The following BANP variants were observed in gnomAD, a reference collection of about 807,000 sequenced individuals.
BANP encodes BTG3 associated nuclear protein.
BANP carries 11 observed loss-of-function variants against 68.1 expected under a neutral mutation model. The observed-to-expected ratio is 0.16, with a 90% CI of 0.10 to 0.27. The LOEUF (loss-of-function observed/expected upper bound fraction) is 0.27, where lower values mean the gene tolerates loss of function less well. BANP is among the 10% of genes least tolerant of loss of function. The pLI is 1.00. For synonymous variants in BANP, 329 were observed against 303.2 expected, an observed-to-expected ratio of 1.09 and a Z score of -0.88; for missense variants, 504 against 722.7, an observed-to-expected ratio of 0.70 and a Z score of 3.47.
chr16:87,998,867 C>T (rs567361655), intron 4 of BANP, among the ~76,000 whole-genome samples: 1 of 135,440 alleles, frequency 7.4e-6, no homozygotes, highest in African/African-American at 2.8e-5. Context: ...CTTCCAGACA[C>T]GTCTCCATGC....
chr16:88,018,352 A>C lies in BANP; in HGVS notation c.656-76A>C. ...GGAGCATCTTTCCCGACTGTGCCTG[A>C]GCAGAGCGCTCTGCTGTCCTGAATG... On this transcript the variant is annotated intron_variant, in intron 6 of 13. Coordinates refer to ENST00000682872, the MANE Select transcript of BANP (RefSeq NM_001386991.1). The surrounding 1 kb of genome is among the most constrained non-coding windows in gnomAD (Gnocchi z 7.7). The C allele has an allele frequency of 6.5e-7, 1 of 1,535,970 alleles. No homozygotes were observed. Among genetic ancestry groups the C allele is most frequent in the Non-Finnish European group, 8.8e-7 (1 of 1,135,736 alleles).
Position 87,984,105 on chromosome 16 carries a change from A to G in BANP, c.208A>G (p.Ser70Gly), listed in dbSNP as rs2063818302. ...CCAGACAATCTGCTTGCGGTTGGAT[A>G]GCATTGAAGCCAAATTGCAAGCCCT... ...INQTICLRLD[S>G]IEAKLQALEA... The change falls in exon 4 of 14, where the codon AGC becomes GGC. Residue 70 changes from serine (S) to glycine (G), a missense_variant. By Grantham distance (56) the Ser-to-Gly change is moderately conservative. Coordinates refer to ENST00000682872, the MANE Select transcript of BANP (RefSeq NM_001386991.1). The G allele has an allele frequency of 6.2e-7, 1 of 1,613,978 alleles. No individual in the cohort carries two copies.
intron 1 of BANP, chr16:87,970,150 C>G (rs2060857739): frequency 6.6e-6 from 1 of 152,226 alleles, no homozygotes; most frequent in African/African-American, 2.4e-5. Flanking sequence ...CTTGGCCTTC[C>G]AAAGTGCTGG....
intron 6 of BANP, 22 bp downstream of exon 6, chr16:88,006,287 T>C (rs1320199495): frequency 5.1e-6 from 8 of 1,568,566 alleles, no homozygotes; most frequent in African/African-American, 2.7e-5. Flanking sequence ...GCGGCTTTCC[T>C]CGGCCAGAGC....
intron 1 of BANP, among the ~76,000 whole-genome samples, chr16:87,958,703 A>G (rs2058566980): frequency 6.6e-6 from 1 of 152,204 alleles, no homozygotes. Flanking sequence ...ACCCTGTCTC[A>G]AGAAAAAACA....
intron 8 of BANP, among the ~76,000 whole-genome samples, chr16:88,030,555 C>A (rs896952576): frequency 2.0e-5 from 3 of 152,214 alleles, no homozygotes; most frequent in Non-Finnish European, 4.4e-5. Context: ...GTTATATAAC[C>A]TGACGACTGC....
At position 88,018,299 on chromosome 16, in the gene BANP, G is replaced by C; in HGVS notation, c.656-129G>C. 1 of 1,216,882 alleles carries C rather than the reference G, an allele frequency of 8.2e-7. No individual in the cohort carries two copies. The highest frequency in any genetic ancestry group is 1.4e-5 in the South Asian group (1 of 69,024). The allele number at this position is 1,216,882 out of a possible 1,614,324, so 75.4% of individuals were successfully genotyped here. ...AGCGCTCTTGGTGACTGCCTCACAA[G>C]TTACGAGGGATTTGCCCAGCCCTGC... On this transcript the variant is annotated intron_variant, in intron 6 of 13. Coordinates refer to ENST00000682872, the MANE Select transcript of BANP (RefSeq NM_001386991.1). This position sits in a 1 kb window ranked among gnomAD's most constrained non-coding sequence, Gnocchi z 7.7.
chr16:87,971,521 T>C (rs1179024242), intron 1 of BANP, among the ~76,000 whole-genome samples: 1 of 152,096 alleles, frequency 6.6e-6, no homozygotes, highest in East Asian at 1.9e-4. Context: ...TGTTGGAGTT[T>C]GATAGTTAAT....
chr16:88,008,970 C>T lies in BANP; in HGVS notation c.655+2705C>T, dbSNP rs900785152. ...TTGGGAATGTATATCCCAGTGGGGT[C>T]GGTGTTATGAAAATATCTGCTTGAG... is the stretch of plus-strand genomic sequence containing the variant. On this transcript the variant is annotated intron_variant, in intron 6 of 13. Coordinates refer to ENST00000682872, the MANE Select transcript of BANP (RefSeq NM_001386991.1). Among the ~76,000 whole-genome samples, 7 of 152,286 alleles carry T rather than the reference C, an allele frequency of 4.6e-5. No homozygotes were observed. The South Asian group carries it at 6.2e-4, about 14-fold the overall frequency.
chr16:88,056,967 A>C (rs2085209059), intron 11 of BANP, among the ~76,000 whole-genome samples: 1 of 152,236 alleles, frequency 6.6e-6, no homozygotes, highest in Admixed American at 6.5e-5. Flanking sequence ...AATCATGAAA[A>C]CATATAGAAC....
chr16:88,063,165 G>A (rs754936186), intron 11 of BANP, among the ~76,000 whole-genome samples: 2 of 152,248 alleles, frequency 1.3e-5, no homozygotes, highest in Non-Finnish European at 2.9e-5. Flanking sequence ...TGTTCTCAGA[G>A]CACGCTGTGC....
Position 88,003,421 on chromosome 16 carries a change from GAGTTTTATTGTC to G in BANP, c.363-871_363-860del. 2.2e-6 allele frequency: 1 copy of G among 455,972 alleles called. No homozygotes were observed. The highest frequency in any genetic ancestry group is 4.4e-6 in the Non-Finnish European group (1 of 226,868). 28.2% of individuals were successfully genotyped at this position (455,972 alleles called of 1,614,324 possible). ...TTTTGGAGAGTGAAATCCAAGAATG[GAGTTTTATTGTC>G]AGGTGATAATCACGTTGTGTTTCTA... On this transcript the variant is annotated intron_variant, in intron 4 of 13. Coordinates refer to ENST00000682872, the MANE Select transcript of BANP (RefSeq NM_001386991.1). The surrounding 1 kb of genome is among the most constrained non-coding windows in gnomAD (Gnocchi z 6.1).
Position 88,036,513 on chromosome 16 carries a change from A to G in BANP, c.1272+1119A>G, listed in dbSNP as rs2079402846. 6.6e-6 allele frequency among the ~76,000 whole-genome samples: 1 copy of G among 152,008 alleles called. No homozygotes were observed. Among genetic ancestry groups the G allele is most frequent in the Non-Finnish European group, 1.5e-5 (1 of 68,010 alleles). Reference sequence around the variant, plus strand: ...GACACATGCACGCCGTGGCACGTGGAGCACCAGGGACTCGGGCGTGTCTGC... The same window carrying G: ...GACACATGCACGCCGTGGCACGTGGGGCACCAGGGACTCGGGCGTGTCTGC... On this transcript the variant is annotated intron_variant, in intron 10 of 13. Coordinates refer to ENST00000682872, the MANE Select transcript of BANP (RefSeq NM_001386991.1). The surrounding 1 kb of genome is among the most constrained non-coding windows in gnomAD (Gnocchi z 4.2).
chr16:88,034,850 A>G (rs1408489613), intron 9 of BANP, among the ~76,000 whole-genome samples: 5 of 152,320 alleles, frequency 3.3e-5, no homozygotes, highest in South Asian at 2.1e-4. Flanking sequence ...CCAGGCTTTA[A>G]TTACCCATAG....
At chr16:88,076,532 C>A in intron 13 of BANP, 58 bp from the exon 14 acceptor site, 1 of 1,486,700 alleles carries the variant, frequency 6.7e-7, no homozygotes, top group South Asian at 1.2e-5. Flanking sequence ...CATGACACCC[C>A]CTGGCCATGC....
chr16:88,003,808 C>G lies in BANP; in HGVS notation c.363-487C>G. 3.2e-6 allele frequency: 1 copy of G among 311,586 alleles called. No homozygotes were observed. The highest frequency in any genetic ancestry group is 6.3e-6 in the Non-Finnish European group (1 of 159,514). The allele number at this position is 311,586 out of a possible 1,614,324, so 19.3% of individuals were successfully genotyped here. Reference sequence around the variant, plus strand: ...AACGTGATGTTTGCCCCTTTCTTTCCAGGGCGCTACCGTTTTGGAATGATA... The same window carrying G: ...AACGTGATGTTTGCCCCTTTCTTTCGAGGGCGCTACCGTTTTGGAATGATA... On this transcript the variant is annotated intron_variant, in intron 4 of 13. Transcript: ENST00000682872. The surrounding 1 kb of genome is among the most constrained non-coding windows in gnomAD (Gnocchi z 6.1).
intron 11 of BANP, among the ~76,000 whole-genome samples, chr16:88,058,539 C>T (rs544943839): frequency 6.6e-6 from 1 of 152,168 alleles, no homozygotes; most frequent in Non-Finnish European, 1.5e-5. Context: ...ACTCTGACCA[C>T]CTGACAGGCT....
chr16:88,043,989 A>G (rs1035083212), intron 11 of BANP, among the ~76,000 whole-genome samples: 6 of 152,176 alleles, frequency 3.9e-5, no homozygotes, highest in Non-Finnish European at 8.8e-5. Context: ...TTTTTTTATG[A>G]GGTCATGGGA....
At chr16:87,995,125 C>T (rs1392692988) in intron 4 of BANP, among the ~76,000 whole-genome samples, 1 of 152,224 alleles carries the variant, frequency 6.6e-6, no homozygotes, top group Non-Finnish European at 1.5e-5. Flanking sequence ...CACGTCTCAC[C>T]TGTTAGAGTC....
Sources: gnomAD v4.1 joint callset for allele counts (sites outside exome capture counted in the v4.1 genomes callset) on GRCh38, gnomAD v4.1.1 for gene constraint, Gnocchi (gnomAD v3.1) non-coding constraint, MANE v1.5 for transcripts, NCBI Gene and HGNC (gene_info 2026-07-23, HGNC 2026-07-21) for gene names.